HDAC7: variants seen among roughly 807,000 people sequenced by gnomAD.
The protein encoded by HDAC7 is histone deacetylase 7, also known as histone deacetylase 7A.
Under a neutral mutation model 115.5 loss-of-function variants are expected in HDAC7, and 26 were observed. The ratio of observed to expected loss-of-function variants is 0.23; its 90% confidence interval spans 0.16 to 0.31. HDAC7 has a LOEUF of 0.31. Among genes scored for constraint, HDAC7 ranks in the 10% least tolerant of loss-of-function variants. HDAC7 has a pLI of 1.00. For missense variants in HDAC7, 1,068 were observed against 1,329.0 expected (o/e 0.80, Z 3.05); for synonymous variants, 564 against 550.9 (o/e 1.02, Z -0.33).
intron 1 of HDAC7, among the ~76,000 whole-genome samples, chr12:47,808,317 C>T (rs949917754): frequency 1.3e-5 from 2 of 152,148 alleles, no homozygotes; most frequent in Non-Finnish European, 2.9e-5. Context: ...GAGCCAGTGT[C>T]GCCCCCCCAC....
intron 1 of HDAC7, among the ~76,000 whole-genome samples, chr12:47,805,474 G>A: frequency 6.6e-6 from 1 of 152,222 alleles, no homozygotes; most frequent in East Asian, 1.9e-4. Context: ...CCTGGGTTCA[G>A]AGCTGACTCC....
intron 2 of HDAC7, among the ~76,000 whole-genome samples, chr12:47,801,129 G>A (rs1257594357): frequency 1.3e-5 from 2 of 152,124 alleles, no homozygotes; most frequent in Non-Finnish European, 2.9e-5. Flanking sequence ...CCTCATCCCT[G>A]GACCCAGCCA....
intron 16 of HDAC7, 57 bp from the exon 17 acceptor site, chr12:47,789,977 C>A: frequency 7.4e-7 from 1 of 1,350,092 alleles, no homozygotes; most frequent in South Asian, 1.2e-5. Context: ...GGAGCCAGGG[C>A]CCAAGGGGGT....
intron 1 of HDAC7, among the ~76,000 whole-genome samples, chr12:47,811,172 G>C (rs966165210): frequency 6.6e-6 from 1 of 152,180 alleles, no homozygotes; most frequent in African/African-American, 2.4e-5. Context: ...CCATCCCAGT[G>C]GTGCCCTAGA....
intron 1 of HDAC7, among the ~76,000 whole-genome samples, chr12:47,804,594 G>A (rs906244001): frequency 1.3e-5 from 2 of 151,418 alleles, no homozygotes; most frequent in Non-Finnish European, 2.9e-5. Flanking sequence ...AGGGCTCTTT[G>A]CCAGGTTGGA....
intron 17 of HDAC7, 25 bp from the exon 18 acceptor site, chr12:47,789,603 A>G (rs1432406022): frequency 6.2e-7 from 1 of 1,613,624 alleles, no homozygotes; most frequent in South Asian, 1.1e-5. Flanking sequence ...AATGCTTGTC[A>G]ATCAACAGAC....
chr12:47,807,621 T>C (rs1421569269), intron 1 of HDAC7, among the ~76,000 whole-genome samples: 1 of 151,634 alleles, frequency 6.6e-6, no homozygotes, highest in Non-Finnish European at 1.5e-5. Context: ...AGGACCTAGA[T>C]GGGCATGCAG....
chr12:47,805,137 C>T, intron 1 of HDAC7, among the ~76,000 whole-genome samples: 1 of 151,268 alleles, frequency 6.6e-6, no homozygotes. Flanking sequence ...GTGATGTGAA[C>T]ATGGCTCACT....
upstream of HDAC7, chr12:47,820,116 G>A (rs566864150): frequency 0.012 from 1,855 of 151,148 alleles, 24 homozygotes; most frequent in Middle Eastern, 0.024. This position sits in a 1 kb window ranked among gnomAD's most constrained non-coding sequence, Gnocchi z 4.3. Context: ...AGATCGCGGC[G>A]GGGCGCGGCG....
In HDAC7 at chr12:47,782,972, T is replaced by C. The variant is rs1942947954; in HGVS notation, c.*869A>G. 1 of 152,834 alleles carries C rather than the reference T, an allele frequency of 6.5e-6. No individual in the cohort carries two copies. The highest frequency in any genetic ancestry group is 6.5e-5 in the Admixed American group (1 of 15,284). 9.5% of individuals were successfully genotyped at this position (152,834 alleles called of 1,614,324 possible). On this transcript the variant is annotated 3_prime_UTR_variant, in exon 26 of 26. Coordinates refer to ENST00000080059, the MANE Select transcript of HDAC7 (RefSeq NM_015401.5). ...AGCAGCCTCCCCTCCTCCATGTCTG[T>C]ATCTTCTCTCCCACCCCTTCCCCCT...
In HDAC7 at chr12:47,786,765, C is replaced by A. The variant is rs1943192001; in HGVS notation, c.2454-62G>T. 5 of 1,364,312 alleles carry A rather than the reference C, an allele frequency of 3.7e-6. No homozygotes were observed. In the African/African-American group the frequency reaches 4.3e-5, roughly 12 times the overall value. 84.5% of individuals were successfully genotyped at this position (1,364,312 alleles called of 1,614,324 possible). A position where few individuals can be genotyped will look rare whatever the true frequency, so the allele number is the denominator to read the frequency against. On this transcript the variant is annotated intron_variant, in intron 21 of 25. Transcript: ENST00000080059. ...GCAGGGTTGCCAGGGGCGGTCCTGCCAACTTTGCGGTGGGGCACCCTGTTC... is the reference window on the plus strand; with the variant it reads ...GCAGGGTTGCCAGGGGCGGTCCTGCAAACTTTGCGGTGGGGCACCCTGTTC...
At chr12:47,810,872 C>T (rs1446482059) in intron 1 of HDAC7, among the ~76,000 whole-genome samples, 2 of 151,696 alleles carry the variant, frequency 1.3e-5, no homozygotes, top group Non-Finnish European at 2.9e-5. Flanking sequence ...CTCTCACTCA[C>T]GGGCAGGCCT....
chr12:47,784,151 C>G lies in HDAC7; in HGVS notation c.2858G>C (p.Gly953Ala), dbSNP rs1016050269. Residue 953 changes from glycine (G) to alanine (A), a missense_variant, in exon 25 of 26, where the codon GGG (glycine) becomes GCG (alanine). By Grantham distance (60) the Gly-to-Ala change is moderately conservative. Transcript: ENST00000080059. Reference sequence around the variant, plus strand: ...TGCCTCCACTTCTTCTTTGTCAGCCCCTGGCACTCTAGGCACCCAGGAGTC... The same window carrying G: ...TGCCTCCACTTCTTCTTTGTCAGCCGCTGGCACTCTAGGCACCCAGGAGTC... ...CPDSWVPRVP[G>A]ADKEEVEAVT... The G allele has an allele frequency of 2.5e-6, 4 of 1,613,648 alleles. No homozygotes were observed. Among genetic ancestry groups the G allele is most frequent in the African/African-American group, 1.3e-5 (1 of 75,036 alleles).
rs1453102507 is a variant in HDAC7, at chr12:47,795,741, C to T, written c.933G>A (p.Pro311=). Residue 311 remains proline, a synonymous_variant, in exon 10 of 26, where the codon CCG becomes CCA. Transcript: ENST00000080059. This position sits in a 1 kb window ranked among gnomAD's most constrained non-coding sequence, Gnocchi z 4.3. ...ARADSDRRTH[P]TLGPRGPILG... is the part of the protein sequence containing the mutation. ...GGATTGGCCCCCGAGGGCCCAGAGT[C>T]GGATGGGTCCTGCGGTCACTGTCAG... The T allele has an allele frequency of 5.8e-6, 9 of 1,541,932 alleles. No homozygotes were observed. Among genetic ancestry groups the T allele is most frequent in the Admixed American group, 2.0e-5 (1 of 49,978 alleles).
intron 1 of HDAC7, among the ~76,000 whole-genome samples, chr12:47,818,129 A>G (rs899221946): frequency 5.9e-5 from 9 of 152,218 alleles, no homozygotes; most frequent in African/African-American, 2.2e-4. Flanking sequence ...CAGCTTAGAC[A>G]TGCAAACTTC....
chr12:47,806,956 T>C (rs1474921734), intron 1 of HDAC7, among the ~76,000 whole-genome samples: 6 of 151,624 alleles, frequency 4.0e-5, no homozygotes, highest in African/African-American at 1.5e-4. Context: ...TTTTTTTTTT[T>C]TGAGATGGAG....
At chr12:47,802,578 C>T in intron 1 of HDAC7, 2 of 1,087,870 alleles carry the variant, frequency 1.8e-6, no homozygotes, top group Non-Finnish European at 2.7e-6. Flanking sequence ...GCCCTCAGCC[C>T]TCCCTCCTGT....
At chr12:47,810,669 G>A (rs541086059) in intron 1 of HDAC7, among the ~76,000 whole-genome samples, 4 of 152,302 alleles carry the variant, frequency 2.6e-5, no homozygotes, top group African/African-American at 9.6e-5. Context: ...AAACCTCCCA[G>A]GGCTGCCACA....
chr12:47,813,840 G>C (rs1359698986), intron 1 of HDAC7, among the ~76,000 whole-genome samples: 14 of 152,156 alleles, frequency 9.2e-5, no homozygotes. Context: ...GGGCTCCTTT[G>C]ACACTCAATA....
Sources: gnomAD v4.1 joint callset for allele counts (sites outside exome capture counted in the v4.1 genomes callset) on GRCh38, gnomAD v4.1.1 for gene constraint, Gnocchi (gnomAD v3.1) non-coding constraint, MANE v1.5 for transcripts, NCBI Gene and HGNC (gene_info 2026-07-23, HGNC 2026-07-21) for gene names.